The following TGFBR3 variants were observed in gnomAD, a reference collection of about 807,000 sequenced individuals.
The protein encoded by TGFBR3 is transforming growth factor beta receptor type 3.
A neutral mutation model predicts 87.9 loss-of-function variants in TGFBR3; 46 were observed. The ratio of observed to expected loss-of-function variants is 0.52; its 90% CI spans 0.41 to 0.67. TGFBR3 has a LOEUF of 0.67. TGFBR3 is among the 30% of genes least tolerant of loss of function. The pLI is 0.00. For missense variants in TGFBR3, 866 were observed against 1,041.9 expected, an observed-to-expected ratio of 0.83 and a Z score of 2.32; for synonymous variants, 381 against 391.6, an observed-to-expected ratio of 0.97 and a Z score of 0.32.
At chr1:91,696,422 C>T (rs1020987506) in intron 15 of TGFBR3, among the ~76,000 whole-genome samples, 6 of 152,186 alleles carry the variant, frequency 3.9e-5, no homozygotes, top group Non-Finnish European at 5.9e-5. Flanking sequence ...CTTTTTAACA[C>T]TTTTCCAACC....
intron 4 of TGFBR3, among the ~76,000 whole-genome samples, chr1:91,735,262 C>T (rs11165378): frequency 0.99 from 150,531 of 152,336 alleles, 74,403 homozygotes; most frequent in East Asian, 1. Context: ...AAATCTAAAT[C>T]GAAGACCAAT....
At chr1:91,685,892 C>T (rs773530710) in intron 16 of TGFBR3, among the ~76,000 whole-genome samples, 2 of 152,218 alleles carry the variant, frequency 1.3e-5, no homozygotes, top group Non-Finnish European at 2.9e-5. Context: ...TTACAAACCA[C>T]ATGTTGGTCC....
intron 2 of TGFBR3, among the ~76,000 whole-genome samples, chr1:91,818,321 T>A (rs1676319170): frequency 9.2e-6 from 1 of 108,156 alleles, no homozygotes; most frequent in Non-Finnish European, 1.8e-5. Flanking sequence ...TTTTTTTTTT[T>A]AGGAAAGTTT....
In TGFBR3 at chr1:91,861,857, C is replaced by CTTTT. The variant is rs11414154; in HGVS notation, c.-113-217_-113-214dup. The stretch of plus-strand genomic sequence containing the variant: ...TTGCAAATGACATATTTGTTATTGG[C>CTTTT]TTTTTTTTTTTTTTTTTGAGATAGA... On this transcript the variant is annotated intron_variant, in intron 1 of 16. Transcript: ENST00000212355. 6.2e-4 allele frequency: 154 copies of CTTTT among 248,782 alleles called. 3 individuals carry two copies. Among genetic ancestry groups the CTTTT allele is most frequent in the East Asian group, 3.5e-3 (31 of 8,880 alleles). 15.4% of individuals were successfully genotyped at this position (248,782 alleles called of 1,614,324 possible).
At chr1:91,714,600 TG>T (rs1193214983) in intron 12 of TGFBR3, among the ~76,000 whole-genome samples, 2 of 151,262 alleles carry the variant, frequency 1.3e-5, no homozygotes, top group Non-Finnish European at 2.9e-5. Context: ...ATTTGAAGGA[TG>T]GGGGAAAAAA....
intron 1 of TGFBR3, among the ~76,000 whole-genome samples, chr1:91,873,108 C>T (rs575456336): frequency 4.5e-4 from 68 of 152,040 alleles, no homozygotes; most frequent in African/African-American, 1.5e-3. Flanking sequence ...GCAGGGACTA[C>T]AGGTGTGCCC....
intron 4 of TGFBR3, chr1:91,755,121 C>T (rs754158589): frequency 4.6e-5 from 7 of 152,146 alleles, no homozygotes; most frequent in Non-Finnish European, 1.0e-4. Flanking sequence ...CCCGTGGGCC[C>T]TCTGAAGTGT....
Position 91,820,354 on chromosome 1 carries a change from A to G in TGFBR3, c.62-22883T>C, listed in dbSNP as rs17100222. Reference sequence around the variant, plus strand: ...GTACTATAAAGTATTACAGGCATAGATGTTAACTGCCACAGTATTTATAAT... The same window carrying G: ...GTACTATAAAGTATTACAGGCATAGGTGTTAACTGCCACAGTATTTATAAT... On this transcript the variant is annotated intron_variant, in intron 2 of 16. Transcript: ENST00000212355. Among the ~76,000 whole-genome samples, 1,145 of 152,282 alleles carry G rather than the reference A, an allele frequency of 7.5e-3. 69 individuals carry two copies. In the East Asian group the frequency reaches 0.15, roughly 20 times the overall value.
intron 3 of TGFBR3, among the ~76,000 whole-genome samples, chr1:91,777,749 C>A (rs1041730493): frequency 6.6e-6 from 1 of 152,122 alleles, no homozygotes; most frequent in African/African-American, 2.4e-5. Flanking sequence ...TCTACGTCTC[C>A]GTACTTTCTG....
intron 2 of TGFBR3, among the ~76,000 whole-genome samples, chr1:91,811,847 C>A (rs1229350138): frequency 6.6e-6 from 1 of 151,540 alleles, no homozygotes; most frequent in Non-Finnish European, 1.5e-5. Context: ...AAGCAACCTT[C>A]CAAAACAGAT....
At chr1:91,689,340 C>A (rs1474595688) in intron 16 of TGFBR3, among the ~76,000 whole-genome samples, 1 of 152,154 alleles carries the variant, frequency 6.6e-6, no homozygotes, top group African/African-American at 2.4e-5. Context: ...TCTGCCTGAG[C>A]CAATCTGCTT....
chr1:91,787,401 C>T (rs1675009952), intron 3 of TGFBR3, among the ~76,000 whole-genome samples: 1 of 152,132 alleles, frequency 6.6e-6, no homozygotes, highest in Non-Finnish European at 1.5e-5. Context: ...CAGGGTCACA[C>T]ATGGGGAGTG....
At chr1:91,764,640 G>T (rs1469399577) in intron 3 of TGFBR3, among the ~76,000 whole-genome samples, 1 of 152,150 alleles carries the variant, frequency 6.6e-6, no homozygotes, top group Non-Finnish European at 1.5e-5. Context: ...GTGGAGGAAC[G>T]CTGCTAGTGC....
intron 3 of TGFBR3, among the ~76,000 whole-genome samples, chr1:91,787,718 T>C (rs1675020671): frequency 6.6e-6 from 1 of 152,206 alleles, no homozygotes; most frequent in African/African-American, 2.4e-5. Context: ...CTCACGCCTG[T>C]AAGCTCAGCA....
intron 16 of TGFBR3, among the ~76,000 whole-genome samples, chr1:91,685,325 T>A (rs1288799975): frequency 1.4e-5 from 2 of 144,502 alleles, no homozygotes; most frequent in East Asian, 4.0e-4. Context: ...CTTTTTTTTT[T>A]TTTTTTTTTT....
At chr1:91,803,407 G>A (rs1675713704) in intron 2 of TGFBR3, among the ~76,000 whole-genome samples, 1 of 152,190 alleles carries the variant, frequency 6.6e-6, no homozygotes, top group Admixed American at 6.5e-5. Flanking sequence ...GTTGGAATGT[G>A]GATGTAACAG....
intron 4 of TGFBR3, 30 bp downstream of exon 4, chr1:91,758,583 G>A (rs770608850): frequency 1.2e-6 from 2 of 1,613,440 alleles, no homozygotes; most frequent in East Asian, 2.2e-5. Flanking sequence ...TTGTGCTAAG[G>A]ATCAGTTTGG....
At chr1:91,732,598 C>T (rs1319957241) in intron 5 of TGFBR3, among the ~76,000 whole-genome samples, 1 of 152,110 alleles carries the variant, frequency 6.6e-6, no homozygotes, top group Admixed American at 6.5e-5. Flanking sequence ...CAGTCTGAGC[C>T]GTGGTGATAA....
intron 3 of TGFBR3, among the ~76,000 whole-genome samples, chr1:91,778,157 G>GT (rs1385775608): frequency 2.1e-5 from 3 of 143,888 alleles, no homozygotes; most frequent in Admixed American, 6.9e-5. Context: ...CTTAATCTAG[G>GT]TTAAAAAAAA....
Sources: gnomAD v4.1 joint callset for allele counts (sites outside exome capture counted in the v4.1 genomes callset) on GRCh38, gnomAD v4.1.1 for gene constraint, MANE v1.5 for transcripts, NCBI Gene and HGNC (gene_info 2026-07-23, HGNC 2026-07-21) for gene names.